Variants in CEP85L observed in about 807,000 individuals in gnomAD.
The protein encoded by CEP85L is centrosomal protein of 85 kDa-like.
Under a neutral mutation model 100.3 loss-of-function variants are expected in CEP85L, and 60 were observed. The ratio of observed to expected loss-of-function variants is 0.60; its 90% CI spans 0.49 to 0.74. The LOEUF (loss-of-function observed/expected upper bound fraction) is 0.74. Ranked by LOEUF, CEP85L falls within the 30% of genes least tolerant of loss-of-function variation. The pLI, the probability that CEP85L is intolerant of heterozygous loss-of-function variation, is 0.00. For missense variants in CEP85L, 973 were observed against 936.2 expected, an observed-to-expected ratio of 1.04 and a Z score of -0.51; for synonymous variants, 319 against 322.7, an observed-to-expected ratio of 0.99 and a Z score of 0.12.
intron 4 of CEP85L, among the ~76,000 whole-genome samples, chr6:118,514,692 A>G (rs962379528): frequency 2.6e-5 from 4 of 152,212 alleles, no homozygotes; most frequent in Admixed American, 6.5e-5. Context: ...AAGAAAGAAA[A>G]CCATTCTGAA....
chr6:118,663,632 G>T (rs1776041125), intron 1 of CEP85L, among the ~76,000 whole-genome samples: 2 of 152,236 alleles, frequency 1.3e-5, no homozygotes, highest in African/African-American at 4.8e-5. Flanking sequence ...TTCTCTTCCA[G>T]ATTTTTGATA....
At chr6:118,522,129 G>A (rs1776705216) in intron 4 of CEP85L, among the ~76,000 whole-genome samples, 1 of 152,284 alleles carries the variant, frequency 6.6e-6, no homozygotes, top group Non-Finnish European at 1.5e-5. Flanking sequence ...GGGAGGCAGA[G>A]ACTGGTGGAT....
intron 2 of CEP85L, among the ~76,000 whole-genome samples, chr6:118,595,842 G>C (rs774198961): frequency 7.2e-5 from 11 of 152,120 alleles, no homozygotes; most frequent in Non-Finnish European, 1.5e-4. Flanking sequence ...AATTAATGCA[G>C]CACTTCATGC....
intron 3 of CEP85L, among the ~76,000 whole-genome samples, chr6:118,540,266 G>A (rs1777834470): frequency 6.6e-6 from 1 of 151,978 alleles, no homozygotes; most frequent in South Asian, 2.1e-4. Context: ...ATGATAAGTT[G>A]GGTCTTATTC....
intron 5 of CEP85L, chr6:118,502,225 T>TA (rs1775349458): frequency 1.5e-6 from 1 of 670,706 alleles, no homozygotes; most frequent in Admixed American, 2.5e-5. Flanking sequence ...CTGGAGTTCT[T>TA]ATGTACCGCA....
chr6:118,651,697 C>A (rs1471250196), upstream of CEP85L: 1 of 108,562 alleles, frequency 9.2e-6, no homozygotes, highest in Non-Finnish European at 1.1e-5. Flanking sequence ...GCGGGGACTG[C>A]GGGGGGCGGG....
chr6:118,552,288 C>A (rs917917348), intron 3 of CEP85L, among the ~76,000 whole-genome samples: 1 of 151,902 alleles, frequency 6.6e-6, no homozygotes, highest in Non-Finnish European at 1.5e-5. Flanking sequence ...AGGAATACCA[C>A]CAAAAATACT....
intron 5 of CEP85L, among the ~76,000 whole-genome samples, chr6:118,492,628 T>G (rs1324276870): frequency 2.0e-5 from 3 of 152,160 alleles, no homozygotes; most frequent in Non-Finnish European, 4.4e-5. Context: ...TGTAAAAAGA[T>G]ATCAACAAAG....
chr6:118,596,046 G>A (rs965415493), intron 2 of CEP85L, among the ~76,000 whole-genome samples: 1 of 152,072 alleles, frequency 6.6e-6, no homozygotes, highest in Non-Finnish European at 1.5e-5. Context: ...GCTGGGTGTT[G>A]TAATAAAAGG....
intron 3 of CEP85L, among the ~76,000 whole-genome samples, chr6:118,563,814 T>A (rs1430603102): frequency 2.0e-5 from 3 of 152,166 alleles, no homozygotes; most frequent in Non-Finnish European, 4.4e-5. Flanking sequence ...AAAATAAAGA[T>A]AATACTACTT....
chr6:118,552,362 C>T (rs1482807207), intron 3 of CEP85L, among the ~76,000 whole-genome samples: 2 of 152,056 alleles, frequency 1.3e-5, no homozygotes, highest in African/African-American at 4.8e-5. Context: ...TAATGCTCAG[C>T]ATATACAACA....
chr6:118,695,417 T>A (rs776521024), intron 1 of CEP85L, among the ~76,000 whole-genome samples: 10 of 152,246 alleles, frequency 6.6e-5, no homozygotes, highest in Admixed American at 1.3e-4. Flanking sequence ...TTGGTTGATA[T>A]TTCAGAGCAG....
At chr6:118,561,246 T>C (rs1282638279) in intron 3 of CEP85L, among the ~76,000 whole-genome samples, 4 of 152,208 alleles carry the variant, frequency 2.6e-5, no homozygotes, top group African/African-American at 9.6e-5. Context: ...CTCACTGGTT[T>C]TAGTAAATTA....
At position 118,480,628 on chromosome 6, in the gene CEP85L, C is replaced by T. The variant is rs1291086874; in HGVS notation, c.1746-115G>A. On this transcript the variant is annotated intron_variant, in intron 8 of 12. Transcript: ENST00000368491. ...AAAATATTATAGACCCTAAAAATGA[C>T]ATCAAGACCCACAGACAGTATATGA... The T allele has an allele frequency of 2.0e-5, 13 of 647,646 alleles. No individual in the cohort carries two copies. The East Asian group carries it at 3.5e-4, about 17-fold the overall frequency. The allele number at this position is 647,646 out of a possible 1,614,324, so 40.1% of individuals were successfully genotyped here. A position where few individuals can be genotyped will look rare whatever the true frequency, so the allele number is the denominator to read the frequency against.
intron 2 of CEP85L, among the ~76,000 whole-genome samples, chr6:118,604,807 A>C (rs752142276): frequency 6.6e-6 from 1 of 152,242 alleles, no homozygotes; most frequent in Non-Finnish European, 1.5e-5. Flanking sequence ...TAGCAAATCT[A>C]ATATCTGACC....
chr6:118,465,619 C>T, intron 12 of CEP85L, 51 bp from the exon 13 acceptor site: 1 of 1,569,940 alleles, frequency 6.4e-7, no homozygotes, highest in African/African-American at 1.4e-5. Flanking sequence ...TGAACAAAGA[C>T]ATTTTAGAAT....
rs551924182 is a variant in CEP85L at position 118,691,404 on chromosome 6, A to G, written c.-28+18632T>C. 1.1e-4 allele frequency among the ~76,000 whole-genome samples: 17 copies of G among 151,878 alleles called. No homozygotes were observed. The East Asian group carries it at 3.1e-3, about 28-fold the overall frequency. On this transcript the variant is annotated intron_variant, in intron 1 of 13. Coordinates refer to the CEP85L transcript ENST00000368488. ...CAAAATTAGCCAGATGTGGCGGTGCATGCCTGTAATCCCAGCTACTCAGGA... is the reference window on the plus strand; with the variant it reads ...CAAAATTAGCCAGATGTGGCGGTGCGTGCCTGTAATCCCAGCTACTCAGGA...
intron 5 of CEP85L, chr6:118,502,040 C>A: frequency 1.2e-6 from 1 of 836,012 alleles, no homozygotes; most frequent in Non-Finnish European, 2.0e-6. Flanking sequence ...CCAGATGGAA[C>A]AAGAAGACTG....
At position 118,483,694 on chromosome 6, in the gene CEP85L, A is replaced by G. The variant is rs2114547271; in HGVS notation, c.1590+12T>C. ...CATGTCATTTAAAGATAAGCATTTT[A>G]TTTCATGTTACCTGTAGACTCTGAC... On this transcript the variant is annotated intron_variant, in intron 7 of 12. Coordinates refer to ENST00000368491, the MANE Select transcript of CEP85L (RefSeq NM_001042475.3). 6.3e-7 allele frequency: 1 copy of G among 1,596,130 alleles called. No homozygotes were observed.
Sources: allele counts gnomAD v4.1 joint callset (sites outside exome capture counted in the v4.1 genomes callset), GRCh38; gene constraint gnomAD v4.1.1; transcripts MANE v1.5; gene names NCBI Gene and HGNC (gene_info 2026-07-23, HGNC 2026-07-21).